Variants in AK5 observed in about 807,000 individuals in gnomAD.
AK5 encodes adenylate kinase isoenzyme 5.
Under a neutral mutation model 69.5 loss-of-function variants are expected in AK5, and 27 were observed. The observed-to-expected ratio is 0.39, with a 90% CI of 0.29 to 0.54. The LOEUF (loss-of-function observed/expected upper bound fraction) is 0.54, where lower values mean the gene tolerates loss of function less well. Ranked by LOEUF, AK5 falls within the 20% of genes least tolerant of loss-of-function variation. The pLI is 0.71. For synonymous variants in AK5, 260 were observed against 244.4 expected (o/e 1.06, Z -0.60); for missense variants, 531 against 700.4 (o/e 0.76, Z 2.73).
chr1:77,530,647 C>G (rs1017255837), intron 12 of AK5, among the ~76,000 whole-genome samples: 2 of 152,092 alleles, frequency 1.3e-5, no homozygotes, highest in African/African-American at 2.4e-5. Flanking sequence ...GTGAGTCAGG[C>G]GCTTTACATG....
In AK5 at chr1:77,559,734, CTT is replaced by C. The variant is rs1660341010; in HGVS notation, c.*1067_*1068del. On this transcript the variant is annotated 3_prime_UTR_variant, in exon 14 of 14. Coordinates refer to ENST00000354567, the MANE Select transcript of AK5 (RefSeq NM_174858.3). ...ATTAAACCAGTGAAGTTTGGGTTCT[CTT>C]TTGTGCTATCAATCAGTTGTAAAAT... The C allele has an allele frequency of 6.6e-6, 1 of 152,124 alleles. No individual in the cohort carries two copies. The highest frequency in any genetic ancestry group is 1.5e-5 in the Non-Finnish European group (1 of 68,020). 9.4% of individuals were successfully genotyped at this position (152,124 alleles called of 1,614,324 possible). A position where few individuals can be genotyped will look rare whatever the true frequency, so the allele number is the denominator to read the frequency against.
At chr1:77,316,825 C>G (rs1395194780) in intron 5 of AK5, among the ~76,000 whole-genome samples, 1 of 152,020 alleles carries the variant, frequency 6.6e-6, no homozygotes, top group Non-Finnish European at 1.5e-5. Flanking sequence ...CTACAAAAGA[C>G]CATTAAAGTT....
chr1:77,410,985 A>G lies in AK5; in HGVS notation c.896A>G (p.Asp299Gly). Residue 299 changes from aspartate (D) to glycine (G), a missense_variant, in exon 7 of 14, where the codon GAT (aspartate) becomes GGT (glycine). Physicochemically the swap from Asp to Gly is moderately conservative, Grantham distance 94. Transcript: ENST00000354567. ...FQEKGLIMTF[D>G]ADRDEDEVFY... ...GTCTGTCCTGATTTCCCCCAGTTTGATGCCGACCGCGATGAGGATGAGGTG... is the reference window on the plus strand; with the variant it reads ...GTCTGTCCTGATTTCCCCCAGTTTGGTGCCGACCGCGATGAGGATGAGGTG... 1.2e-6 allele frequency: 2 copies of G among 1,613,460 alleles called. No homozygotes were observed. The highest frequency in any genetic ancestry group is 1.7e-6 in the Non-Finnish European group (2 of 1,179,774).
At chr1:77,507,856 T>C (rs1383565549) in intron 10 of AK5, among the ~76,000 whole-genome samples, 1 of 152,194 alleles carries the variant, frequency 6.6e-6, no homozygotes, top group African/African-American at 2.4e-5. Context: ...TGGGGAATTA[T>C]CCTTTTTTAT....
intron 5 of AK5, among the ~76,000 whole-genome samples, chr1:77,335,598 CAT>C (rs1661307965): frequency 1.3e-5 from 2 of 152,148 alleles, no homozygotes; most frequent in South Asian, 4.1e-4. Flanking sequence ...TTTGGGAAAA[CAT>C]AAACAATTTA....
intron 12 of AK5, among the ~76,000 whole-genome samples, chr1:77,529,978 A>G (rs557659250): frequency 1.3e-5 from 2 of 152,324 alleles, no homozygotes; most frequent in East Asian, 3.9e-4. Context: ...ATGGCTTCAC[A>G]GTGATCCCTC....
chr1:77,548,445 T>C (rs185283074), intron 13 of AK5, among the ~76,000 whole-genome samples: 58 of 152,320 alleles, frequency 3.8e-4, no homozygotes, highest in African/African-American at 1.2e-3. Flanking sequence ...GCTGCTGTTA[T>C]CCTCTGGCAG....
At chr1:77,475,446 ATATATATAC>A (rs1654852462) in intron 8 of AK5, among the ~76,000 whole-genome samples, 1 of 17,154 alleles carries the variant, frequency 5.8e-5, no homozygotes, top group African/African-American at 1.2e-4. Flanking sequence ...TATATATATT[ATATATATAC>A]AAATATATAT....
At chr1:77,447,492 A>C (rs1652824995) in intron 8 of AK5, among the ~76,000 whole-genome samples, 1 of 152,242 alleles carries the variant, frequency 6.6e-6, no homozygotes, top group Non-Finnish European at 1.5e-5. Context: ...ATTTCAAAGC[A>C]ACAGGATATA....
At chr1:77,313,158 G>A (rs1048180989) in intron 5 of AK5, among the ~76,000 whole-genome samples, 3 of 151,876 alleles carry the variant, frequency 2.0e-5, no homozygotes, top group Non-Finnish European at 4.4e-5. Flanking sequence ...ATTTATATTT[G>A]AATGTATACA....
chr1:77,475,169 A>ATG (rs1654770895), intron 8 of AK5, among the ~76,000 whole-genome samples: 5 of 75,062 alleles, frequency 6.7e-5, no homozygotes, highest in Non-Finnish European at 1.4e-4. Context: ...GTGTGCATGT[A>ATG]TATATATATA....
At chr1:77,311,106 AG>A (rs1659929242) in intron 5 of AK5, among the ~76,000 whole-genome samples, 1 of 152,114 alleles carries the variant, frequency 6.6e-6, no homozygotes, top group South Asian at 2.1e-4. Flanking sequence ...TTTACGGCAC[AG>A]CTGACTCATT....
At chr1:77,474,174 G>C (rs1328669307) in intron 8 of AK5, among the ~76,000 whole-genome samples, 2 of 152,156 alleles carry the variant, frequency 1.3e-5, no homozygotes, top group Non-Finnish European at 2.9e-5. Context: ...ATTGTCAATA[G>C]TAGCTATAGA....
rs1301881544 is a variant in AK5 at position 77,558,893 on chromosome 1, G to GACA, written c.*226_*228dup. On this transcript the variant is annotated 3_prime_UTR_variant, in exon 14 of 14. Coordinates refer to ENST00000354567, the MANE Select transcript of AK5 (RefSeq NM_174858.3). ...ATATCAACCTATTCTCCACACTTCA[G>GACA]ACAACTGTCTGCACTCACGGCACAC... 1.8e-5 allele frequency: 9 copies of GACA among 503,286 alleles called. No homozygotes were observed. The highest frequency in any genetic ancestry group is 3.4e-5 in the East Asian group (1 of 29,328). The allele number at this position is 503,286 out of a possible 1,614,324, so 31.2% of individuals were successfully genotyped here. A position where few individuals can be genotyped will look rare whatever the true frequency, so the allele number is the denominator to read the frequency against.
At chr1:77,402,658 G>A (rs1223131053) in intron 6 of AK5, among the ~76,000 whole-genome samples, 1 of 151,842 alleles carries the variant, frequency 6.6e-6, no homozygotes, top group Non-Finnish European at 1.5e-5. Flanking sequence ...GTATTCCATG[G>A]TGTATATGTG....
intron 10 of AK5, among the ~76,000 whole-genome samples, chr1:77,494,112 C>T (rs759391241): frequency 6.6e-6 from 1 of 152,118 alleles, no homozygotes; most frequent in Non-Finnish European, 1.5e-5. Flanking sequence ...AGAAAAGAGC[C>T]CAAGTACATG....
At chr1:77,515,164 C>T (rs1012330384) in intron 10 of AK5, among the ~76,000 whole-genome samples, 6 of 152,202 alleles carry the variant, frequency 3.9e-5, no homozygotes, top group African/African-American at 9.7e-5. Context: ...TTACATCCAG[C>T]CCATCCCTGA....
At chr1:77,486,653 G>A (rs552160139) in intron 10 of AK5, among the ~76,000 whole-genome samples, 26 of 151,072 alleles carry the variant, frequency 1.7e-4, no homozygotes, top group East Asian at 9.8e-4. Flanking sequence ...AGCCGAGATC[G>A]CGCCACTGCA....
At chr1:77,500,737 G>A (rs939425443) in intron 10 of AK5, among the ~76,000 whole-genome samples, 7 of 152,126 alleles carry the variant, frequency 4.6e-5, no homozygotes, top group Non-Finnish European at 7.3e-5. Flanking sequence ...AGCCGAGATT[G>A]CACCACTGCA....
Sources: allele counts gnomAD v4.1 joint callset (sites outside exome capture counted in the v4.1 genomes callset), GRCh38; gene constraint gnomAD v4.1.1; transcripts MANE v1.5; gene names NCBI Gene and HGNC (gene_info 2026-07-23, HGNC 2026-07-21).